Variants in NCK1 observed in about 807,000 individuals in gnomAD.
NCK1 encodes the protein NCK adaptor protein 1, also known as SH2/SH3 adapter protein NCK1.
Under a neutral mutation model 36.6 loss-of-function variants are expected in NCK1, and 19 were observed. That is an observed-to-expected ratio of 0.52 (90% CI 0.36 to 0.76). The LOEUF (loss-of-function observed/expected upper bound fraction) is 0.76, where lower values mean the gene tolerates loss of function less well. NCK1 is among the 30% of genes least tolerant of loss of function. NCK1 has a pLI of 0.00. For missense variants in NCK1, 358 were observed against 445.6 expected, an observed-to-expected ratio of 0.80 and a Z score of 1.77; for synonymous variants, 165 against 156.0, an observed-to-expected ratio of 1.06 and a Z score of -0.43.
intron 3 of NCK1, among the ~76,000 whole-genome samples, chr3:136,946,687 GT>G (rs1239579808): frequency 3.3e-5 from 5 of 151,568 alleles, no homozygotes; most frequent in Non-Finnish European, 7.4e-5. Flanking sequence ...GTGTAAGAAG[GT>G]AGTCACTGTA....
chr3:136,870,341 C>CAAA (rs34144951), intron 1 of NCK1, among the ~76,000 whole-genome samples: 1 of 146,420 alleles, frequency 6.8e-6, no homozygotes. Flanking sequence ...GACTTAATCT[C>CAAA]AAAAAAAAAA....
At chr3:136,943,725 C>T (rs568633754) in intron 2 of NCK1, among the ~76,000 whole-genome samples, 2 of 152,200 alleles carry the variant, frequency 1.3e-5, no homozygotes, top group East Asian at 1.9e-4. Flanking sequence ...GTTTTCTGCC[C>T]TCAGGAAGTT....
At chr3:136,893,174 G>A (rs1939295321) in intron 1 of NCK1, among the ~76,000 whole-genome samples, 1 of 23,640 alleles carries the variant, frequency 4.2e-5, no homozygotes, top group African/African-American at 1.3e-4. Flanking sequence ...GTGTGTGTGT[G>A]TGTGTATATA....
chr3:136,923,209 A>G (rs1451354646), intron 1 of NCK1, among the ~76,000 whole-genome samples: 1 of 152,024 alleles, frequency 6.6e-6, no homozygotes, highest in Admixed American at 6.6e-5. Flanking sequence ...TTTTTCTTGA[A>G]TACTTTCCTT....
rs756738301 is a variant in NCK1 at position 136,945,989 on chromosome 3, C to T, written c.633C>T (p.Phe211=). The T allele has an allele frequency of 6.8e-6, 11 of 1,613,764 alleles. No homozygotes were observed. The highest frequency in any genetic ancestry group is 4.5e-5 in the East Asian group (2 of 44,840). The change falls in exon 3 of 4, where the codon TTC becomes TTT. Residue 211 remains phenylalanine, a synonymous_variant. Transcript: ENST00000481752. ...FSSSNDEELN[F]EKGDVMDVIE... ...CATCTAATGATGAAGAACTTAATTT[C>T]GAGAAAGGAGATGTAATGGATGTTA...
At chr3:136,910,479 A>G (rs1051713729) in intron 1 of NCK1, among the ~76,000 whole-genome samples, 8 of 152,182 alleles carry the variant, frequency 5.3e-5, no homozygotes, top group Non-Finnish European at 1.2e-4. Context: ...AAAAATTACA[A>G]ACTGAATAAA....
rs887984944 is a variant in NCK1 at position 136,945,570 on chromosome 3, T to C, written c.227-13T>C. ...TTATATTCTCCTCTCATGGCCCTTTTTAATTTCAACAGGCATTGGAAAAGT... is the reference window on the plus strand; with the variant it reads ...TTATATTCTCCTCTCATGGCCCTTTCTAATTTCAACAGGCATTGGAAAAGT... On this transcript the variant is annotated splice_polypyrimidine_tract_variant and intron_variant, in intron 2 of 3. Coordinates refer to ENST00000481752, the MANE Select transcript of NCK1 (RefSeq NM_001291999.2). 3.9e-6 allele frequency: 6 copies of C among 1,554,772 alleles called. No homozygotes were observed. Among genetic ancestry groups the C allele is most frequent in the Non-Finnish European group, 5.3e-6 (6 of 1,142,444 alleles).
chr3:136,928,861 TAAAAAAAAAAAAAA>T (rs755770014), intron 2 of NCK1: 1 of 119,688 alleles, frequency 8.4e-6, no homozygotes. Flanking sequence ...GCCTCTTCTT[TAAAAAAAAAAAAAA>T]AAAAAAAAAA....
chr3:136,870,167 C>A (rs1938570335), intron 1 of NCK1, among the ~76,000 whole-genome samples: 2 of 150,972 alleles, frequency 1.3e-5, no homozygotes, highest in South Asian at 2.1e-4. Context: ...CATGGTGAAA[C>A]CCTGTCTCTA....
chr3:136,925,164 A>G (rs1391804862), intron 1 of NCK1, among the ~76,000 whole-genome samples: 1 of 152,194 alleles, frequency 6.6e-6, no homozygotes, highest in Non-Finnish European at 1.5e-5. Context: ...GTAGAATGCT[A>G]TTTTTGTACA....
intron 1 of NCK1, among the ~76,000 whole-genome samples, chr3:136,862,655 AGCCTGGGAGGTC>A (rs1938263865): frequency 6.3e-5 from 1 of 15,846 alleles, no homozygotes; most frequent in East Asian, 0.01. Context: ...CGCCCGTGCG[AGCCTGGGAGGTC>A]GAGTGTGCGG....
intron 3 of NCK1, 72 bp downstream of exon 3, chr3:136,946,367 G>GA: frequency 7.5e-7 from 1 of 1,334,656 alleles, no homozygotes; most frequent in Non-Finnish European, 1.0e-6. Flanking sequence ...GAGAAATGGA[G>GA]AGGTTAAGTG....
chr3:136,872,959 G>A (rs1186773214), intron 1 of NCK1, among the ~76,000 whole-genome samples: 1 of 152,246 alleles, frequency 6.6e-6, no homozygotes, highest in Non-Finnish European at 1.5e-5. Flanking sequence ...TGCAGCAGGG[G>A]TAGAGCATTC....
intron 1 of NCK1, among the ~76,000 whole-genome samples, chr3:136,882,865 A>G (rs115432423): frequency 3.8e-4 from 58 of 152,314 alleles, no homozygotes; most frequent in African/African-American, 1.4e-3. Flanking sequence ...ATTAGTGAAT[A>G]CTAGCAGTCT....
chr3:136,898,656 T>C (rs1939455128), intron 1 of NCK1, among the ~76,000 whole-genome samples: 1 of 152,194 alleles, frequency 6.6e-6, no homozygotes, highest in Non-Finnish European at 1.5e-5. Context: ...CTTAAGTAGC[T>C]TATAAGATTT....
At chr3:136,881,621 T>G (rs1938938271) in intron 1 of NCK1, among the ~76,000 whole-genome samples, 1 of 152,160 alleles carries the variant, frequency 6.6e-6, no homozygotes, top group Non-Finnish European at 1.5e-5. Flanking sequence ...GTACAACCAG[T>G]CCCCAGAACT....
chr3:136,938,426 C>A (rs976922161), intron 2 of NCK1, among the ~76,000 whole-genome samples: 3 of 152,158 alleles, frequency 2.0e-5, no homozygotes, highest in African/African-American at 7.2e-5. Flanking sequence ...AAATGTGAGT[C>A]ATCTGATGTG....
rs573190473 is a variant in NCK1, at chr3:136,884,978, C to T, written c.-19+22625C>T. On this transcript the variant is annotated intron_variant, in intron 1 of 3. Transcript: ENST00000481752. Reference sequence around the variant, plus strand: ...TCAAGTGATCTGCCCACCTCGGCCTCCCAAAGTGTTGAGATTATAGGTGTG... The same window carrying T: ...TCAAGTGATCTGCCCACCTCGGCCTTCCAAAGTGTTGAGATTATAGGTGTG... 7.2e-5 allele frequency among the ~76,000 whole-genome samples: 11 copies of T among 152,228 alleles called. 1 individual carries two copies. Among genetic ancestry groups the T allele is most frequent in the Admixed American group, 4.6e-4 (7 of 15,280 alleles).
intron 2 of NCK1, among the ~76,000 whole-genome samples, chr3:136,934,723 G>T (rs1940484676): frequency 6.6e-6 from 1 of 152,104 alleles, no homozygotes; most frequent in South Asian, 2.1e-4. Context: ...AAATAAAAAA[G>T]ATTAAATAAC....
Sources: allele counts gnomAD v4.1 joint callset (sites outside exome capture counted in the v4.1 genomes callset), GRCh38; gene constraint gnomAD v4.1.1; transcripts MANE v1.5; gene names NCBI Gene and HGNC (gene_info 2026-07-23, HGNC 2026-07-21).